The following MTMR4 variants were observed in gnomAD, a reference collection of about 807,000 sequenced individuals.
The protein encoded by MTMR4 is phosphatidylinositol-3,5-bisphosphate 3-phosphatase MTMR4.
MTMR4 carries 30 observed loss-of-function variants against 125.5 expected under a neutral mutation model. The observed-to-expected ratio is 0.24, with a 90% CI of 0.18 to 0.32. The LOEUF is 0.32. Ranked by LOEUF, MTMR4 falls within the 10% of genes least tolerant of loss-of-function variation. MTMR4 has a pLI of 1.00. For synonymous variants in MTMR4, 498 were observed against 564.5 expected (o/e 0.88, Z 1.67); for missense variants, 1,039 against 1,511.5 (o/e 0.69, Z 5.18).
Position 58,503,750 on chromosome 17 carries a change from A to G in MTMR4, c.1847T>C (p.Leu616Pro). The change falls in exon 14 of 18, where the codon CTG (leucine) becomes CCG (proline). Residue 616 changes from leucine (L) to proline (P), a missense_variant. This residue lies in a region of MTMR4 where 619 missense variants were observed against 714.5 expected (regional missense o/e 0.87). Transcript: ENST00000682306. The stretch of plus-strand genomic sequence containing the variant: ...GAAGAAGGGCTTTTCTTACCTGTCC[A>G]GAGAGCGGCCAGAGAACTCCTGGCT... ...AQSQEFSGRS[L>P]DRLPKTRSMD... is the part of the protein sequence containing the mutation. 1 of 1,613,752 alleles carries G rather than the reference A, an allele frequency of 6.2e-7. No individual in the cohort carries two copies.
Position 58,511,491 on chromosome 17 carries a change from G to C in MTMR4, c.273C>G (p.Asp91Glu). 1 of 1,612,778 alleles carries C rather than the reference G, an allele frequency of 6.2e-7. No individual in the cohort carries two copies. Among genetic ancestry groups the C allele is most frequent in the Non-Finnish European group, 8.5e-7 (1 of 1,179,484 alleles). The part of the protein sequence containing the change: ...SVINVPLRMI[D>E]SVESRDMFQL... ...GGAACATATCACGGCTCTCCACACT[G>C]TCAATCATCCGGAGGGGGACCTGTA... The change falls in exon 4 of 18, where the codon GAC becomes GAG. Residue 91 changes from aspartate (D) to glutamate (E), a missense_variant. Physicochemically the swap from Asp to Glu is conservative, Grantham distance 45. Coordinates refer to ENST00000682306, the MANE Select transcript of MTMR4 (RefSeq NM_001378067.1).
At position 58,496,296 on chromosome 17, in the gene MTMR4, AAAG is replaced by A. The variant is rs1344094352; in HGVS notation, c.1885_1887del (p.Leu629del). 7 of 1,612,132 alleles carry A rather than the reference AAAG, an allele frequency of 4.3e-6. No homozygotes were observed. Among genetic ancestry groups the A allele is most frequent in the Non-Finnish European group, 5.9e-6 (7 of 1,179,218 alleles). ...AGGGGGCTGCTTGTGTCACAGGCAG[AAAG>A]AAGATCATCCATGGATCTGGTTTTA... is the stretch of plus-strand genomic sequence containing the variant. On this transcript the variant is annotated inframe_deletion, in exon 15 of 18. Coordinates refer to ENST00000682306, the MANE Select transcript of MTMR4 (RefSeq NM_001378067.1).
At chr17:58,514,926 C>T (rs1459899392), upstream of MTMR4, 13 of 855,272 alleles carry the variant, frequency 1.5e-5, no homozygotes. Context: ...GCTCTGGATC[C>T]CAAGGTGGAG....
chr17:58,511,332 C>G, intron 4 of MTMR4, 97 bp downstream of exon 4: 1 of 1,100,780 alleles, frequency 9.1e-7, no homozygotes, highest in Admixed American at 2.4e-5. Flanking sequence ...GAAAGTGAGG[C>G]AGGATCTTTC....
rs1708250037 is a variant in MTMR4, at chr17:58,495,745, T to A, written c.2439A>T (p.Leu813=). ...CAAGAACACACTTGGAGGGCACACC[T>A]AGCATGGAGTCTGGCTGGGCCTGTT... ...TPQQAQPDSM[L]GVPSKCVLDH... is the part of the protein sequence containing the mutation. Residue 813 remains leucine, a synonymous_variant, in exon 15 of 18, where the codon CTA becomes CTT. Coordinates refer to ENST00000682306, the MANE Select transcript of MTMR4 (RefSeq NM_001378067.1). 3.7e-6 allele frequency: 6 copies of A among 1,614,108 alleles called. No individual in the cohort carries two copies. The highest frequency in any genetic ancestry group is 5.1e-6 in the Non-Finnish European group (6 of 1,180,014).
rs111506182 is a variant in MTMR4, at chr17:58,492,329, G to A, written c.3452+182C>T. ...TGGGATTACAGGCATGCGCCACCAC[G>A]CCCAGCTAATTTTTGTATTTTTAGT... On this transcript the variant is annotated intron_variant, in intron 17 of 17. Coordinates refer to ENST00000682306, the MANE Select transcript of MTMR4 (RefSeq NM_001378067.1). 0.018 allele frequency among the ~76,000 whole-genome samples: 2,671 copies of A among 152,150 alleles called. 72 individuals carry two copies. The highest frequency in any genetic ancestry group is 0.06 in the African/African-American group (2,486 of 41,500).
At chr17:58,506,625 G>T in intron 9 of MTMR4, 118 bp downstream of exon 9, 1 of 1,322,352 alleles carries the variant, frequency 7.6e-7, no homozygotes, top group Non-Finnish European at 1.0e-6. Flanking sequence ...TAGCAAAGTT[G>T]TGATTACAAG....
Position 58,504,622 on chromosome 17 carries a change from G to T in MTMR4, c.1342-134C>A. 2 of 1,350,390 alleles carry T rather than the reference G, an allele frequency of 1.5e-6. No homozygotes were observed. The highest frequency in any genetic ancestry group is 2.0e-6 in the Non-Finnish European group (2 of 993,712). 83.7% of individuals were successfully genotyped at this position (1,350,390 alleles called of 1,614,324 possible). A position where few individuals can be genotyped will look rare whatever the true frequency, so the allele number is the denominator to read the frequency against. On this transcript the variant is annotated intron_variant, in intron 11 of 17. Coordinates refer to ENST00000682306, the MANE Select transcript of MTMR4 (RefSeq NM_001378067.1). This position sits in a 1 kb window ranked among gnomAD's most constrained non-coding sequence, Gnocchi z 7.1. ...GACTGGACCTAGAAGAGGACTCAAA[G>T]CCACCAATTTTCCAAGCCTTTGGGA...
rs760017812 is a variant in MTMR4 at position 58,491,575 on chromosome 17, T to A, written c.*88A>T. The A allele has an allele frequency of 4.4e-5, 59 of 1,329,166 alleles. No homozygotes were observed. Among genetic ancestry groups the A allele is most frequent in the Non-Finnish European group, 5.6e-5 (54 of 958,288 alleles). 82.3% of individuals were successfully genotyped at this position (1,329,166 alleles called of 1,614,324 possible). ...GGTATCTCTGAGCTCTGTGATTTCA[T>A]GAGCCACACCAAGGAACCTTCCAAA... On this transcript the variant is annotated 3_prime_UTR_variant, in exon 18 of 18. Transcript: ENST00000682306.
intron 1 of MTMR4, among the ~76,000 whole-genome samples, chr17:58,513,651 G>GA (rs1455037571): frequency 6.6e-6 from 1 of 152,000 alleles, no homozygotes; most frequent in Admixed American, 6.5e-5. Context: ...GACCCGGGGG[G>GA]ATCCACGCGC....
At chr17:58,516,906 C>T (rs1477883843), upstream of MTMR4, among the ~76,000 whole-genome samples, 4 of 152,336 alleles carry the variant, frequency 2.6e-5, no homozygotes, top group African/African-American at 9.6e-5. Flanking sequence ...GATTTCCAGA[C>T]GCAGAGGGAG....
At chr17:58,492,744 T>C (rs1975346678) in intron 16 of MTMR4, 98 bp downstream of exon 16, 4 of 1,353,606 alleles carry the variant, frequency 3.0e-6, no homozygotes, top group Non-Finnish European at 4.2e-6. Context: ...GACACTCCTC[T>C]GGGGGACAGC....
At chr17:58,506,721 G>T (rs202023096) in intron 9 of MTMR4, 22 bp downstream of exon 9, 1 of 1,610,588 alleles carries the variant, frequency 6.2e-7, no homozygotes, top group Non-Finnish European at 8.5e-7. Context: ...GCTGGCTGCA[G>T]ACACTGGGAT....
chr17:58,508,305 C>G lies in MTMR4; in HGVS notation c.594-31G>C, dbSNP rs746989276. 1.9e-6 allele frequency: 3 copies of G among 1,598,474 alleles called. No homozygotes were observed. The highest frequency in any genetic ancestry group is 3.3e-4 in the Middle Eastern group (2 of 6,042). On this transcript the variant is annotated intron_variant, in intron 6 of 17. Coordinates refer to ENST00000682306, the MANE Select transcript of MTMR4 (RefSeq NM_001378067.1). The surrounding 1 kb of genome is among the most constrained non-coding windows in gnomAD (Gnocchi z 4.8). ...AAGAGACCAGGTGGGGGTCACTGCA[C>G]TGGGTCTAAAACATGTGATGACAGG...
chr17:58,495,118 A>C lies in MTMR4; in HGVS notation c.3066T>G (p.Tyr1022Ter). 6.2e-7 allele frequency: 1 copy of C among 1,614,236 alleles called. No homozygotes were observed. Among genetic ancestry groups the C allele is most frequent in the Non-Finnish European group, 8.5e-7 (1 of 1,180,040 alleles). Reference protein sequence around the residue: ...LNCPSPVPPLYLDDDGLPFPT... With the variant: ...LNCPSPVPPL ...GAAAGGGGAGTCCATCATCATCCAAATACAGAGGAGGCACTGGAGAAGGGC... is the reference window on the plus strand; with the variant it reads ...GAAAGGGGAGTCCATCATCATCCAACTACAGAGGAGGCACTGGAGAAGGGC... Residue 1022 changes from tyrosine (Y) to a stop codon, truncating the protein, a stop_gained, in exon 15 of 18, where the codon TAT (tyrosine) becomes TAG (stop). Transcript: ENST00000682306. LOFTEE classifies it high-confidence loss of function.
At chr17:58,496,993 G>T (rs1374176415) in intron 14 of MTMR4, among the ~76,000 whole-genome samples, 2 of 152,110 alleles carry the variant, frequency 1.3e-5, no homozygotes, top group Non-Finnish European at 2.9e-5. Context: ...GTGCTCCTCT[G>T]CTTCCCAAGG....
At chr17:58,509,731 CT>C (rs1180318766) in intron 4 of MTMR4, among the ~76,000 whole-genome samples, 2 of 152,092 alleles carry the variant, frequency 1.3e-5, no homozygotes, top group Admixed American at 1.3e-4. Flanking sequence ...ACTTGGAGTA[CT>C]AAGCAACACA....
upstream of MTMR4, among the ~76,000 whole-genome samples, chr17:58,518,685 G>A (rs2042060517): frequency 6.6e-6 from 1 of 152,210 alleles, no homozygotes; most frequent in Admixed American, 6.5e-5. Context: ...AGACCAGGAC[G>A]CTCCCAAGGA....
rs1195521053 is a variant in MTMR4, at chr17:58,490,880, C to T, written c.*783G>A. On this transcript the variant is annotated 3_prime_UTR_variant, in exon 18 of 18. Coordinates refer to ENST00000682306, the MANE Select transcript of MTMR4 (RefSeq NM_001378067.1). ...AGGATAATTTTTGCTTTTCCCTTCT[C>T]ATTCTTCACAGTGCATAACTCAAGA... 1 of 152,650 alleles carries T rather than the reference C, an allele frequency of 6.6e-6. No homozygotes were observed. The highest frequency in any genetic ancestry group is 2.4e-5 in the African/African-American group (1 of 41,458). 9.5% of individuals were successfully genotyped at this position (152,650 alleles called of 1,614,324 possible). A position where few individuals can be genotyped will look rare whatever the true frequency, so the allele number is the denominator to read the frequency against.
Sources: gnomAD v4.1 joint callset for allele counts (sites outside exome capture counted in the v4.1 genomes callset) on GRCh38, gnomAD v4.1.1 for gene constraint, gnomAD v4.1.1 regional missense constraint, Gnocchi (gnomAD v3.1) non-coding constraint, MANE v1.5 for transcripts, NCBI Gene and HGNC (gene_info 2026-07-23, HGNC 2026-07-21) for gene names.